CPEB2: variants seen among roughly 807,000 people sequenced by gnomAD.
The protein encoded by CPEB2 is cytoplasmic polyadenylation element-binding protein 2.
A neutral mutation model predicts 93.6 loss-of-function variants in CPEB2; 56 were observed. The observed-to-expected ratio is 0.60, with a 90% CI of 0.48 to 0.75. CPEB2 has a LOEUF of 0.75. CPEB2 is among the 30% of genes least tolerant of loss of function. The pLI, the probability that CPEB2 is intolerant of heterozygous loss-of-function variation, is 0.00. For synonymous variants in CPEB2, 764 were observed against 586.3 expected (o/e 1.30, Z -4.38); for missense variants, 1,579 against 1,395.1 (o/e 1.13, Z -2.10).
chr4:15,003,889 C>A lies in CPEB2; in HGVS notation c.1216C>A (p.Pro406Thr). 2 of 886,910 alleles carry A rather than the reference C, an allele frequency of 2.3e-6. No homozygotes were observed. The highest frequency in any genetic ancestry group is 3.0e-6 in the Non-Finnish European group (2 of 674,502). 54.9% of individuals were successfully genotyped at this position (886,910 alleles called of 1,614,324 possible). Residue 406 changes from proline (P) to threonine (T), a missense_variant, in exon 1 of 12, where the codon CCG becomes ACG. Coordinates refer to ENST00000538197, the MANE Select transcript of CPEB2 (RefSeq NM_001177382.2). ...GCCGCCGACCCAGCCGCAGCAGCAG[C>A]CGCCGCCACCCCAGCAGCCGCCCCA... ...QPPPTQPQQQ[P>T]PPPQQPPQPQ...
Position 15,007,576 on chromosome 4 carries a change from T to C in CPEB2, c.1934T>C (p.Leu645Ser), listed in dbSNP as rs768848152. Residue 645 changes from leucine to serine, a missense_variant, in exon 2 of 12, where the codon TTA becomes TCA. This residue lies in a region of CPEB2 where 1,411 missense variants were observed against 1,056.0 expected (regional missense o/e 1.34). Transcript: ENST00000538197. ...FRTDNNSNTL[L>S]PLQVRSSLQL... Reference sequence around the variant, plus strand: ...ACAGACAACAATAGTAATACACTCTTACCCTTACAGGTAAGAATGGTATGT... The same window carrying C: ...ACAGACAACAATAGTAATACACTCTCACCCTTACAGGTAAGAATGGTATGT... 1 of 1,583,282 alleles carries C rather than the reference T, an allele frequency of 6.3e-7. No individual in the cohort carries two copies. The highest frequency in any genetic ancestry group is 8.6e-7 in the Non-Finnish European group (1 of 1,160,436).
chr4:15,029,153 C>T (rs1195835631), intron 4 of CPEB2, among the ~76,000 whole-genome samples: 1 of 152,066 alleles, frequency 6.6e-6, no homozygotes, highest in Non-Finnish European at 1.5e-5. Context: ...CTAGACATCA[C>T]ATTTGTGCGG....
chr4:15,017,557 C>G (rs889394554), intron 4 of CPEB2: 1 of 217,790 alleles, frequency 4.6e-6, no homozygotes, highest in Admixed American at 5.7e-5. Context: ...AAAGTATACA[C>G]TAGTCACTTT....
chr4:15,068,993 T>A lies in CPEB2; in HGVS notation c.*2613T>A, dbSNP rs1729898359. Reference sequence around the variant, plus strand: ...CTGTATTGGAGGTTTTTTTTTAATTTACAGATCATATTTATTTTACTATTT... The same window carrying A: ...CTGTATTGGAGGTTTTTTTTTAATTAACAGATCATATTTATTTTACTATTT... On this transcript the variant is annotated 3_prime_UTR_variant, in exon 12 of 12. Coordinates refer to ENST00000538197, the MANE Select transcript of CPEB2 (RefSeq NM_001177382.2). The A allele has an allele frequency of 6.6e-6, 1 of 152,170 alleles. No individual in the cohort carries two copies. The highest frequency in any genetic ancestry group is 6.6e-5 in the Admixed American group (1 of 15,196). 9.4% of individuals were successfully genotyped at this position (152,170 alleles called of 1,614,324 possible).
intron 4 of CPEB2, among the ~76,000 whole-genome samples, chr4:15,030,256 C>G (rs757639297): frequency 2.0e-5 from 3 of 151,772 alleles, no homozygotes; most frequent in Non-Finnish European, 2.9e-5. Flanking sequence ...TACAACCAAC[C>G]ATGTATACCT....
chr4:15,025,889 A>G (rs929766596), intron 4 of CPEB2, among the ~76,000 whole-genome samples: 1 of 152,118 alleles, frequency 6.6e-6, no homozygotes, highest in Non-Finnish European at 1.5e-5. Flanking sequence ...GTTCCCAGAA[A>G]TTTGATGACT....
At chr4:15,065,935 TC>T (rs3833624) in intron 11 of CPEB2, among the ~76,000 whole-genome samples, 14,971 of 152,106 alleles carry the variant, frequency 0.098, 1,517 homozygotes, top group African/African-American at 0.25. Context: ...AAGATGTTAT[TC>T]AAGAAAGGTG....
intron 11 of CPEB2, among the ~76,000 whole-genome samples, chr4:15,065,944 G>T (rs535654870): frequency 4.5e-4 from 69 of 152,144 alleles, no homozygotes; most frequent in African/African-American, 1.6e-3. Flanking sequence ...TTCAAGAAAG[G>T]TGAGAGTGGA....
chr4:15,014,841 G>T (rs573261701), intron 3 of CPEB2, among the ~76,000 whole-genome samples: 4 of 152,050 alleles, frequency 2.6e-5, no homozygotes, highest in African/African-American at 9.7e-5. Flanking sequence ...CAGTATAGTG[G>T]AAGCACAGGG....
intron 6 of CPEB2, among the ~76,000 whole-genome samples, chr4:15,046,067 G>A (rs1727658965): frequency 1.3e-5 from 2 of 152,110 alleles, no homozygotes; most frequent in South Asian, 2.1e-4. Flanking sequence ...GAATATTTTT[G>A]TACCTTTTTG....
chr4:15,005,164 AAG>A (rs1445296840), intron 1 of CPEB2: 1 of 152,248 alleles, frequency 6.6e-6, no homozygotes, highest in Non-Finnish European at 1.5e-5. Context: ...AGGACTGGGA[AAG>A]AGAAACTGTT....
chr4:15,004,445 C>T (rs1450429569), intron 1 of CPEB2, 110 bp downstream of exon 1: 4 of 736,106 alleles, frequency 5.4e-6, no homozygotes, highest in South Asian at 2.3e-5. Context: ...AGAGAAGCCG[C>T]GACGGGGGCC....
At chr4:15,033,604 C>T (rs1316184267) in intron 5 of CPEB2, among the ~76,000 whole-genome samples, 1 of 152,138 alleles carries the variant, frequency 6.6e-6, no homozygotes, top group Non-Finnish European at 1.5e-5. Flanking sequence ...CTTAGTATAG[C>T]ATTGTGTTTG....
chr4:15,070,096 A>C lies in CPEB2; in HGVS notation c.*3716A>C, dbSNP rs1729978632. ...TGCTGCCAACTATTTATATTAAGTA[A>C]TTTTTAAATATTTGTAATATTGTTG... On this transcript the variant is annotated 3_prime_UTR_variant, in exon 12 of 12. Transcript: ENST00000538197. The C allele has an allele frequency of 6.6e-6, 1 of 152,286 alleles. No individual in the cohort carries two copies. Among genetic ancestry groups the C allele is most frequent in the South Asian group, 2.1e-4 (1 of 4,826 alleles). 9.4% of individuals were successfully genotyped at this position (152,286 alleles called of 1,614,324 possible). A position where few individuals can be genotyped will look rare whatever the true frequency, so the allele number is the denominator to read the frequency against.
chr4:15,018,575 GTT>G (rs777705591), intron 4 of CPEB2, among the ~76,000 whole-genome samples: 6 of 150,640 alleles, frequency 4.0e-5, no homozygotes, highest in Non-Finnish European at 8.9e-5. Context: ...TATGCTGGCA[GTT>G]TCAGTGGTTT....
chr4:15,047,864 T>G (rs1727855642), intron 6 of CPEB2, among the ~76,000 whole-genome samples: 1 of 151,628 alleles, frequency 6.6e-6, no homozygotes, highest in Non-Finnish European at 1.5e-5. Context: ...TAAATGCTCT[T>G]TATTGGATTG....
chr4:15,068,217 G>T lies in CPEB2; in HGVS notation c.*1837G>T, dbSNP rs1282844948. The T allele has an allele frequency of 1.3e-5, 2 of 152,208 alleles. No homozygotes were observed. The highest frequency in any genetic ancestry group is 2.9e-5 in the Non-Finnish European group (2 of 67,856). 9.4% of individuals were successfully genotyped at this position (152,208 alleles called of 1,614,324 possible). On this transcript the variant is annotated 3_prime_UTR_variant, in exon 12 of 12. Coordinates refer to ENST00000538197, the MANE Select transcript of CPEB2 (RefSeq NM_001177382.2). ...GTGTTGATCTTAATATTGGTTGTCT[G>T]TGGTGTGCTTTTTTGTACTGTAAAA... is the stretch of plus-strand genomic sequence containing the variant.
chr4:15,007,329 A>G lies in CPEB2; in HGVS notation c.1687A>G (p.Ser563Gly), dbSNP rs1346648138. 6.5e-7 allele frequency: 1 copy of G among 1,548,282 alleles called. No homozygotes were observed. Among genetic ancestry groups the G allele is most frequent in the South Asian group, 1.2e-5 (1 of 82,154 alleles). Residue 563 changes from serine to glycine, a missense_variant, in exon 2 of 12, where the codon AGC becomes GGC. Transcript: ENST00000538197. ...HQPLLKQSPWSNHQSSGWGTG... is the reference protein window; with the variant it reads ...HQPLLKQSPWGNHQSSGWGTG... ...GCCTCTTCTGAAACAGTCTCCCTGG[A>G]GCAACCATCAGAGCAGTGGCTGGGG...
intron 4 of CPEB2, 109 bp downstream of exon 4, chr4:15,017,387 A>T: frequency 2.5e-5 from 12 of 471,102 alleles, no homozygotes; most frequent in South Asian, 4.3e-5. Flanking sequence ...CCAATATAAA[A>T]CTCTCTTACA....
Sources: allele counts gnomAD v4.1 joint callset (sites outside exome capture counted in the v4.1 genomes callset), GRCh38; gene constraint gnomAD v4.1.1; regional missense constraint gnomAD v4.1.1; transcripts MANE v1.5; gene names NCBI Gene and HGNC (gene_info 2026-07-23, HGNC 2026-07-21).